The following ZNF722 variants were observed in gnomAD, a reference collection of about 807,000 sequenced individuals.
ZNF722 encodes the protein zinc finger protein 722, also known as zinc finger protein 479 pseudogene.
At chr7:64,015,600 A>C in the ZNF722 span, 2 of 1,613,656 alleles carry the variant, frequency 1.2e-6, no homozygotes, top group Non-Finnish European at 1.7e-6. Context: ...CCAAGCTTTT[A>C]GGCGCTCCTC....
the ZNF722 span, chr7:64,006,204 T>A: frequency 8.5e-7 from 1 of 1,176,480 alleles, no homozygotes; most frequent in South Asian, 1.6e-5. Context: ...TTATCTTACT[T>A]TTTTTTCTTA....
the ZNF722 span, among the ~76,000 whole-genome samples, chr7:64,017,350 CTG>C: frequency 7.3e-5 from 11 of 151,542 alleles, no homozygotes; most frequent in Non-Finnish European, 1.2e-4. Flanking sequence ...AGCTGCTACA[CTG>C]CAGCCTGGGT....
the ZNF722 span, among the ~76,000 whole-genome samples, chr7:63,999,697 A>G: frequency 0.02 from 3,023 of 152,068 alleles, 112 homozygotes; most frequent in African/African-American, 0.069. Flanking sequence ...CAAGAAATGT[A>G]TTTGTTTATT....
At chr7:64,004,419 A>ATAT in the ZNF722 span, among the ~76,000 whole-genome samples, 1 of 71,866 alleles carries the variant, frequency 1.4e-5, no homozygotes, top group South Asian at 5.0e-4. Flanking sequence ...TTAAAAAAAA[A>ATAT]AAAAAAATAT....
chr7:64,015,031 C>T, the ZNF722 span: 36 of 1,312,490 alleles, frequency 2.7e-5, no homozygotes, highest in South Asian at 6.2e-5. Flanking sequence ...CTTTCAGTTA[C>T]GTGTTCTCAT....
At chr7:64,001,249 C>T in the ZNF722 span, among the ~76,000 whole-genome samples, 124 of 152,302 alleles carry the variant, frequency 8.1e-4, 2 homozygotes, top group East Asian at 0.022. Flanking sequence ...CGACCCTCCA[C>T]CCTGAACTGG....
At chr7:64,007,406 G>A in the ZNF722 span, among the ~76,000 whole-genome samples, 685 of 151,842 alleles carry the variant, frequency 4.5e-3, 4 homozygotes, top group African/African-American at 0.015. Flanking sequence ...CCAACTCCAC[G>A]ACAGGCCCTG....
the ZNF722 span, among the ~76,000 whole-genome samples, chr7:64,005,009 C>G: frequency 6.6e-6 from 1 of 152,108 alleles, no homozygotes; most frequent in African/African-American, 2.4e-5. Context: ...ACAACTTATT[C>G]TGTATGATGT....
the ZNF722 span, chr7:64,014,966 T>A: frequency 8.7e-7 from 1 of 1,149,422 alleles, no homozygotes; most frequent in Non-Finnish European, 1.3e-6. Flanking sequence ...TATATTCGAT[T>A]TGTAAAGTAT....
chr7:64,003,266 T>A, the ZNF722 span, among the ~76,000 whole-genome samples: 1 of 150,652 alleles, frequency 6.6e-6, no homozygotes, highest in Admixed American at 6.6e-5. Context: ...ATTTTAATAG[T>A]TATGGAGAAG....
chr7:64,006,157 A>G, the ZNF722 span: 5 of 872,544 alleles, frequency 5.7e-6, no homozygotes, highest in Admixed American at 6.1e-5. Flanking sequence ...TTTACTAACC[A>G]TAATACTAGT....
At chr7:64,004,425 A>ATATAT in the ZNF722 span, among the ~76,000 whole-genome samples, 281 of 61,094 alleles carry the variant, frequency 4.6e-3, no homozygotes, top group Middle Eastern at 0.011. Flanking sequence ...AAAAAAAAAA[A>ATATAT]ATATATATAT....
the ZNF722 span, among the ~76,000 whole-genome samples, chr7:64,005,050 G>A: frequency 1.5e-3 from 224 of 152,116 alleles, no homozygotes; most frequent in African/African-American, 4.6e-3. Context: ...GACATGTCCC[G>A]CACTTTGGGA....
At chr7:64,005,687 A>T in the ZNF722 span, 3 of 1,558,038 alleles carry the variant, frequency 1.9e-6, no homozygotes, top group Non-Finnish European at 2.6e-6. Flanking sequence ...TGCTCAGCAG[A>T]ATTTATATAG....
chr7:64,005,742 A>G, the ZNF722 span: 1 of 1,553,834 alleles, frequency 6.4e-7, no homozygotes, highest in Non-Finnish European at 8.7e-7. Flanking sequence ...TCCCTGGGTG[A>G]GGAAAACTTC....
chr7:64,008,605 C>G, the ZNF722 span, among the ~76,000 whole-genome samples: 1 of 151,998 alleles, frequency 6.6e-6, no homozygotes, highest in Non-Finnish European at 1.5e-5. Flanking sequence ...TGGTCTATAT[C>G]TCTGTTTTGG....
the ZNF722 span, chr7:64,015,686 C>T: frequency 2.1e-5 from 34 of 1,612,940 alleles, no homozygotes; most frequent in Middle Eastern, 1.6e-4. Context: ...AAGCCTTTAG[C>T]GTATCCTCAA....
At chr7:64,010,928 G>A in the ZNF722 span, among the ~76,000 whole-genome samples, 1 of 152,162 alleles carries the variant, frequency 6.6e-6, no homozygotes, top group Non-Finnish European at 1.5e-5. Context: ...GGGTGCTCCT[G>A]TATTGGGTGC....
chr7:64,007,345 A>T, the ZNF722 span, among the ~76,000 whole-genome samples: 1 of 151,482 alleles, frequency 6.6e-6, no homozygotes, highest in Non-Finnish European at 1.5e-5. Flanking sequence ...GCACCCATTA[A>T]CTTGTCATGT....
Sources: allele counts gnomAD v4.1 joint callset (sites outside exome capture counted in the v4.1 genomes callset), GRCh38; gene constraint gnomAD v4.1.1; transcripts MANE v1.5; gene names NCBI Gene and HGNC (gene_info 2026-07-23, HGNC 2026-07-21).